PCDH9: variants seen among roughly 807,000 people sequenced by gnomAD.
The protein encoded by PCDH9 is protocadherin 9, also known as protocadherin-9.
A neutral mutation model predicts 70.6 loss-of-function variants in PCDH9; 24 were observed. The ratio of observed to expected loss-of-function variants is 0.34; its 90% CI spans 0.25 to 0.48. The LOEUF (loss-of-function observed/expected upper bound fraction) is 0.48. PCDH9 is among the 20% of genes least tolerant of loss of function. PCDH9 has a pLI of 0.99. For missense variants in PCDH9, 1,281 were observed against 1,503.6 expected (o/e 0.85, Z 2.45); for synonymous variants, 562 against 558.5 (o/e 1.01, Z -0.09).
rs1398125002 is a variant in PCDH9 at position 66,481,222 on chromosome 13, G to A, written c.3340+149988C>T. Among the ~76,000 whole-genome samples the A allele has an allele frequency of 2.0e-5, 3 of 148,530 alleles. No homozygotes were observed. The East Asian group carries it at 6.1e-4, about 30-fold the overall frequency. On this transcript the variant is annotated intron_variant, in intron 4 of 4. Coordinates refer to ENST00000377865, the MANE Select transcript of PCDH9 (RefSeq NM_203487.3). ...TAATGCAAATGACGGGTTGATGGAT[G>A]CAGCAAACCACCATTGCACGTGTTT...
At chr13:66,605,526 C>T (rs1408500959) in intron 4 of PCDH9, among the ~76,000 whole-genome samples, 2 of 152,100 alleles carry the variant, frequency 1.3e-5, no homozygotes, top group Non-Finnish European at 2.9e-5. Flanking sequence ...GAACTGTAGG[C>T]TTAATAATGA....
chr13:67,117,012 T>A (rs185955335), intron 2 of PCDH9, among the ~76,000 whole-genome samples: 2 of 152,212 alleles, frequency 1.3e-5, no homozygotes, highest in Admixed American at 1.3e-4. Flanking sequence ...AAGAAACTTA[T>A]GGAGTGGAGA....
At chr13:66,673,928 T>G (rs1460790966) in intron 3 of PCDH9, among the ~76,000 whole-genome samples, 1 of 152,192 alleles carries the variant, frequency 6.6e-6, no homozygotes, top group Non-Finnish European at 1.5e-5. Flanking sequence ...CCTTGTATCA[T>G]TCAGTCTCTT....
At chr13:66,517,144 T>C (rs761022545) in intron 4 of PCDH9, among the ~76,000 whole-genome samples, 20 of 152,128 alleles carry the variant, frequency 1.3e-4, no homozygotes, top group Non-Finnish European at 2.6e-4. Flanking sequence ...ATCTTTAATT[T>C]ATATAAAGTT....
At chr13:67,156,100 G>A (rs1262763411) in intron 2 of PCDH9, among the ~76,000 whole-genome samples, 1 of 152,038 alleles carries the variant, frequency 6.6e-6, no homozygotes, top group Non-Finnish European at 1.5e-5. Flanking sequence ...GAGGAAGGGT[G>A]TGGTCCCTGG....
intron 2 of PCDH9, among the ~76,000 whole-genome samples, chr13:67,074,070 A>ATCTG (rs1555304249): frequency 3.9e-4 from 57 of 145,248 alleles, no homozygotes; most frequent in African/African-American, 1.4e-3. Flanking sequence ...CTATCTATCT[A>ATCTG]TCTGTTTATT....
chr13:66,595,254 C>A (rs2077088814), intron 4 of PCDH9, among the ~76,000 whole-genome samples: 1 of 151,550 alleles, frequency 6.6e-6, no homozygotes, highest in South Asian at 2.1e-4. Flanking sequence ...GGGAACCTTG[C>A]TCCAATTTGC....
At chr13:67,160,496 G>T (rs781018493) in intron 2 of PCDH9, among the ~76,000 whole-genome samples, 2 of 151,908 alleles carry the variant, frequency 1.3e-5, no homozygotes, top group African/African-American at 2.4e-5. Context: ...GCAGTGAGCT[G>T]AGATCGCGCC....
rs553402135 is a variant in PCDH9, at chr13:66,751,176, A to G, written c.3139-119765T>C. On this transcript the variant is annotated intron_variant, in intron 3 of 4. Coordinates refer to ENST00000377865, the MANE Select transcript of PCDH9 (RefSeq NM_203487.3). ...TTCATAACAACATACGTACCTTGCAAGTTCTGAAGCAGAGCAAATAGACTG... is the reference window on the plus strand; with the variant it reads ...TTCATAACAACATACGTACCTTGCAGGTTCTGAAGCAGAGCAAATAGACTG... Among the ~76,000 whole-genome samples the G allele has an allele frequency of 3.5e-4, 53 of 152,218 alleles. 1 individual carries two copies. The East Asian group carries it at 8.3e-3, about 24-fold the overall frequency.
chr13:66,508,949 G>A (rs946976010), intron 4 of PCDH9, among the ~76,000 whole-genome samples: 80 of 152,332 alleles, frequency 5.3e-4, no homozygotes, highest in African/African-American at 1.8e-3. Flanking sequence ...TTCTCGGGAT[G>A]TTGTGAAGAC....
At chr13:66,818,984 T>G (rs959752205) in intron 3 of PCDH9, among the ~76,000 whole-genome samples, 19 of 151,886 alleles carry the variant, frequency 1.3e-4, no homozygotes, top group African/African-American at 4.6e-4. Flanking sequence ...GTGTGATGAT[T>G]TATTTCAAAT....
At chr13:66,961,162 T>C (rs572122442) in intron 2 of PCDH9, among the ~76,000 whole-genome samples, 39 of 152,338 alleles carry the variant, frequency 2.6e-4, no homozygotes, top group African/African-American at 8.4e-4. Context: ...ACTATAATTC[T>C]ATTTAAAGTA....
At chr13:66,973,376 T>C (rs74093697) in intron 2 of PCDH9, among the ~76,000 whole-genome samples, 4,044 of 151,986 alleles carry the variant, frequency 0.027, 182 homozygotes, top group African/African-American at 0.092. Flanking sequence ...AAGCAAACTG[T>C]TAAAATCAAG....
chr13:66,643,565 G>A (rs938571317), intron 3 of PCDH9, among the ~76,000 whole-genome samples: 1 of 151,938 alleles, frequency 6.6e-6, no homozygotes. Flanking sequence ...AGTTATTTGT[G>A]CACTAAGGAT....
rs922461511 is a variant in PCDH9 at position 66,338,023 on chromosome 13, A to G, written c.3341-32995T>C. ...GATCAGATGGACCTGGCTCCAGATA[A>G]CTGTATATTTTACATGTGAGCCTTG... On this transcript the variant is annotated intron_variant, in intron 4 of 4. Transcript: ENST00000377865. Among the ~76,000 whole-genome samples the G allele has an allele frequency of 3.9e-5, 6 of 152,092 alleles. No individual in the cohort carries two copies. In the South Asian group the frequency reaches 6.2e-4, roughly 16 times the overall value.
At chr13:67,059,548 G>A (rs917661051) in intron 2 of PCDH9, among the ~76,000 whole-genome samples, 2 of 151,200 alleles carry the variant, frequency 1.3e-5, no homozygotes, top group Non-Finnish European at 2.9e-5. Context: ...AGCAGTGACC[G>A]GGATTATACA....
intron 4 of PCDH9, among the ~76,000 whole-genome samples, chr13:66,450,773 T>C (rs1046219826): frequency 1.3e-5 from 2 of 152,164 alleles, no homozygotes; most frequent in Admixed American, 1.3e-4. Flanking sequence ...CCCAGCACTT[T>C]GGGAGGCCGA....
chr13:66,727,929 C>T (rs2079026996), intron 3 of PCDH9, among the ~76,000 whole-genome samples: 1 of 152,006 alleles, frequency 6.6e-6, no homozygotes, highest in African/African-American at 2.4e-5. Context: ...GTCGTAGTGG[C>T]AAAGAGCTCA....
intron 3 of PCDH9, among the ~76,000 whole-genome samples, chr13:66,683,074 C>CGGCA (rs1442565009): frequency 6.6e-6 from 1 of 152,098 alleles, no homozygotes; most frequent in Non-Finnish European, 1.5e-5. Context: ...CTATTTGCAG[C>CGGCA]GGCAGTTGTC....
Sources: gnomAD v4.1 joint callset for allele counts (sites outside exome capture counted in the v4.1 genomes callset) on GRCh38, gnomAD v4.1.1 for gene constraint, MANE v1.5 for transcripts, NCBI Gene and HGNC (gene_info 2026-07-23, HGNC 2026-07-21) for gene names.